The following SUSD4 variants were observed in gnomAD, a reference collection of about 807,000 sequenced individuals.
SUSD4 encodes sushi domain containing 4, also known as sushi domain-containing protein 4.
Under a neutral mutation model 50.5 loss-of-function variants are expected in SUSD4, and 41 were observed. The ratio of observed to expected loss-of-function variants is 0.81; its 90% CI spans 0.63 to 1.05. The LOEUF (loss-of-function observed/expected upper bound fraction) is 1.05. Among genes scored for constraint, SUSD4 ranks in the 50% least tolerant of loss-of-function variants. The pLI is 0.00. For synonymous variants in SUSD4, 257 were observed against 257.3 expected, an observed-to-expected ratio of 1.00 and a Z score of 0.01; for missense variants, 580 against 634.7, an observed-to-expected ratio of 0.91 and a Z score of 0.93.
rs1664562494 is a variant in SUSD4, at chr1:223,292,567, C to A, written c.233G>T (p.Gly78Val). The change falls in exon 3 of 9, where the codon GGC (glycine) becomes GTC (valine). Residue 78 changes from glycine (G) to valine (V), a missense_variant. Transcript: ENST00000366878. ...RTPSGGVFFEGSVARFHCQDG... is the reference protein window; with the variant it reads ...RTPSGGVFFEVSVARFHCQDG... ...TTGGCAGTGAAATCGGGCTACAGAG[C>A]CTTCAAAGAAAACCCCTCCGCTGGG... 6.2e-7 allele frequency: 1 copy of A among 1,614,130 alleles called. No homozygotes were observed. The highest frequency in any genetic ancestry group is 8.5e-7 in the Non-Finnish European group (1 of 1,180,014).
intron 3 of SUSD4, among the ~76,000 whole-genome samples, chr1:223,285,791 G>A (rs2103129253): frequency 6.6e-6 from 1 of 152,296 alleles, no homozygotes; most frequent in East Asian, 1.9e-4. Flanking sequence ...GCTAAGCAAT[G>A]ATAACATGTG....
intron 2 of SUSD4, among the ~76,000 whole-genome samples, chr1:223,339,010 G>A (rs1667608281): frequency 6.6e-6 from 1 of 152,182 alleles, no homozygotes; most frequent in Non-Finnish European, 1.5e-5. Context: ...GATGGGAAGA[G>A]GCCAAGACAG....
At chr1:223,348,804 AT>A (rs1343662952) in intron 2 of SUSD4, among the ~76,000 whole-genome samples, 2 of 152,138 alleles carry the variant, frequency 1.3e-5, no homozygotes, top group African/African-American at 4.8e-5. Context: ...TAAGCTTGTG[AT>A]TTTTTTTAAA....
At chr1:223,224,680 G>A (rs956334353) in intron 7 of SUSD4, among the ~76,000 whole-genome samples, 2 of 151,984 alleles carry the variant, frequency 1.3e-5, no homozygotes, top group Admixed American at 6.6e-5. Context: ...TCACGTGGGC[G>A]CGCACACAGT....
chr1:223,300,303 C>T (rs1427908416), intron 2 of SUSD4, among the ~76,000 whole-genome samples: 1 of 152,290 alleles, frequency 6.6e-6, no homozygotes, highest in South Asian at 2.1e-4. Flanking sequence ...AGGCTGAGAT[C>T]CCCTCTTTCT....
intron 5 of SUSD4, among the ~76,000 whole-genome samples, chr1:223,237,286 C>T (rs1252852227): frequency 6.6e-6 from 1 of 151,908 alleles, no homozygotes; most frequent in Non-Finnish European, 1.5e-5. Flanking sequence ...ATGATCATGT[C>T]CCCTGTGAAA....
At chr1:223,328,661 G>A (rs1018685372) in intron 2 of SUSD4, among the ~76,000 whole-genome samples, 2 of 152,128 alleles carry the variant, frequency 1.3e-5, no homozygotes, top group African/African-American at 4.8e-5. Flanking sequence ...ATTTCCCCAA[G>A]TTCTGATTTT....
intron 5 of SUSD4, among the ~76,000 whole-genome samples, chr1:223,236,199 T>C (rs1660208966): frequency 6.6e-6 from 1 of 152,248 alleles, no homozygotes; most frequent in Non-Finnish European, 1.5e-5. Flanking sequence ...TCAGGTTGTT[T>C]GTGTTCTTGT....
chr1:223,253,044 T>C (rs1025858257), intron 5 of SUSD4, among the ~76,000 whole-genome samples: 1 of 151,802 alleles, frequency 6.6e-6, no homozygotes, highest in Non-Finnish European at 1.5e-5. Context: ...TGAGCCGAGA[T>C]TGCACAATTG....
intron 5 of SUSD4, among the ~76,000 whole-genome samples, chr1:223,236,546 CTT>C (rs925224105): frequency 7.0e-5 from 10 of 142,084 alleles, no homozygotes; most frequent in Admixed American, 2.1e-4. Flanking sequence ...CTGTGTCTAG[CTT>C]TTTTTTTTTT....
At chr1:223,296,017 C>A (rs571622733) in intron 2 of SUSD4, among the ~76,000 whole-genome samples, 1 of 151,498 alleles carries the variant, frequency 6.6e-6, no homozygotes, top group South Asian at 2.1e-4. Flanking sequence ...GATCATTGGG[C>A]ACCTTTATCA....
At chr1:223,320,422 C>T (rs1460272492) in intron 2 of SUSD4, among the ~76,000 whole-genome samples, 2 of 152,052 alleles carry the variant, frequency 1.3e-5, no homozygotes, top group Non-Finnish European at 2.9e-5. Flanking sequence ...GGCGCTCCCT[C>T]TGGGCCTGAG....
At chr1:223,276,849 G>A (rs1387122313) in intron 3 of SUSD4, among the ~76,000 whole-genome samples, 1 of 151,984 alleles carries the variant, frequency 6.6e-6, no homozygotes, top group African/African-American at 2.4e-5. Context: ...TGTCATTTCT[G>A]ATAATCCACA....
intron 2 of SUSD4, among the ~76,000 whole-genome samples, chr1:223,305,380 G>A (rs1268465098): frequency 6.6e-6 from 1 of 152,112 alleles, no homozygotes; most frequent in Admixed American, 6.5e-5. Flanking sequence ...CACCAAATGG[G>A]AACACCAAGG....
chr1:223,301,074 T>C (rs1423101393), intron 2 of SUSD4, among the ~76,000 whole-genome samples: 3 of 152,244 alleles, frequency 2.0e-5, no homozygotes, highest in African/African-American at 7.2e-5. Flanking sequence ...TTGTCTCTAC[T>C]TAGCCTTTTC....
chr1:223,223,724 AC>A, intron 7 of SUSD4, 93 bp from the exon 8 acceptor site: 1 of 1,419,388 alleles, frequency 7.0e-7, no homozygotes. Flanking sequence ...GGTCCTCAGG[AC>A]CCACGATGGG....
intron 5 of SUSD4, among the ~76,000 whole-genome samples, chr1:223,248,067 C>G (rs149077592): frequency 2.2e-3 from 338 of 152,302 alleles, no homozygotes; most frequent in African/African-American, 7.4e-3. Flanking sequence ...CAATCAGAAA[C>G]TTTATTTCAG....
At chr1:223,314,748 C>G (rs1165887006) in intron 2 of SUSD4, among the ~76,000 whole-genome samples, 13 of 152,210 alleles carry the variant, frequency 8.5e-5, no homozygotes, top group Admixed American at 8.5e-4. Flanking sequence ...TGAGACGTCC[C>G]TTTCACCTTC....
intron 5 of SUSD4, among the ~76,000 whole-genome samples, chr1:223,235,933 A>G (rs1485323707): frequency 6.6e-6 from 1 of 152,252 alleles, no homozygotes; most frequent in Non-Finnish European, 1.5e-5. Flanking sequence ...GTAAGAAGCC[A>G]TCAAACTGTC....
Sources: allele counts gnomAD v4.1 joint callset (sites outside exome capture counted in the v4.1 genomes callset), GRCh38; gene constraint gnomAD v4.1.1; transcripts MANE v1.5; gene names NCBI Gene and HGNC (gene_info 2026-07-23, HGNC 2026-07-21).